WWOX: variants seen among roughly 807,000 people sequenced by gnomAD.
WWOX encodes WW domain-containing oxidoreductase.
A neutral mutation model predicts 46.2 loss-of-function variants in WWOX; 69 were observed. The observed-to-expected ratio is 1.49, with a 90% CI of 1.23 to 1.82. The LOEUF (loss-of-function observed/expected upper bound fraction) is 1.82. WWOX is among the 40% of genes most tolerant of loss of function. The pLI, the probability that WWOX is intolerant of heterozygous loss-of-function variation, is 0.00. For missense variants in WWOX, 919 were observed against 542.6 expected, an observed-to-expected ratio of 1.69 and a Z score of -6.89; for synonymous variants, 359 against 202.6, an observed-to-expected ratio of 1.77 and a Z score of -6.56.
At chr16:78,710,221 G>C (rs1030681574) in intron 8 of WWOX, among the ~76,000 whole-genome samples, 15 of 151,544 alleles carry the variant, frequency 9.9e-5, no homozygotes, top group Non-Finnish European at 1.9e-4. Context: ...GTGCACACTT[G>C]GGGCACCTGG....
At chr16:78,643,146 A>G (rs922635518) in intron 8 of WWOX, among the ~76,000 whole-genome samples, 2 of 152,198 alleles carry the variant, frequency 1.3e-5, no homozygotes, top group African/African-American at 2.4e-5. Flanking sequence ...TCCAGACCCA[A>G]GAGGATCCGA....
chr16:78,323,171 G>T (rs976681136), intron 5 of WWOX, among the ~76,000 whole-genome samples: 2 of 152,054 alleles, frequency 1.3e-5, no homozygotes, highest in Non-Finnish European at 2.9e-5. Flanking sequence ...ACAGTGGCAC[G>T]ATCTCAGCTC....
chr16:79,055,215 T>C (rs890822081), intron 8 of WWOX, among the ~76,000 whole-genome samples: 72 of 152,206 alleles, frequency 4.7e-4, no homozygotes, highest in African/African-American at 1.6e-3. Context: ...ACTTGCTGTT[T>C]TCTGTTATTT....
chr16:78,334,678 C>T (rs1358825357), intron 5 of WWOX, among the ~76,000 whole-genome samples: 1 of 151,906 alleles, frequency 6.6e-6, no homozygotes, highest in Non-Finnish European at 1.5e-5. Flanking sequence ...CCAGTTTCCA[C>T]AGAGAAAAAG....
At chr16:78,207,761 C>CAA (rs34715697) in intron 5 of WWOX, among the ~76,000 whole-genome samples, 7 of 104,618 alleles carry the variant, frequency 6.7e-5, no homozygotes, top group Middle Eastern at 5.4e-3. Flanking sequence ...GACCCTATTA[C>CAA]AAAAAAAAAA....
At chr16:78,588,890 A>G (rs949404333) in intron 8 of WWOX, among the ~76,000 whole-genome samples, 11 of 152,140 alleles carry the variant, frequency 7.2e-5, no homozygotes, top group East Asian at 3.9e-4. Context: ...TGATAGAAGA[A>G]GAGGAGGAGG....
intron 8 of WWOX, among the ~76,000 whole-genome samples, chr16:78,458,649 A>G (rs1205575543): frequency 2.0e-5 from 3 of 151,178 alleles, no homozygotes; most frequent in African/African-American, 2.5e-5. Flanking sequence ...TATAGCATAT[A>G]AAAGTAAAAA....
At chr16:78,228,088 T>A (rs1342131143) in intron 5 of WWOX, among the ~76,000 whole-genome samples, 3 of 152,114 alleles carry the variant, frequency 2.0e-5, no homozygotes, top group African/African-American at 7.2e-5. Context: ...GGAAGCTGGT[T>A]GGCTTTGTCA....
rs2046682143 is a variant in WWOX at position 78,981,514 on chromosome 16, T to C, written c.1057-230094T>C. Among the ~76,000 whole-genome samples, 6 of 152,058 alleles carry C rather than the reference T, an allele frequency of 3.9e-5. 1 individual carries two copies. In the South Asian group the frequency reaches 1.3e-3, roughly 32 times the overall value. ...ATGCAGTGGCACAATCTGGGCTCACTGCAACCTCCACTTTCCGGGTTCAGG... is the reference window on the plus strand; with the variant it reads ...ATGCAGTGGCACAATCTGGGCTCACCGCAACCTCCACTTTCCGGGTTCAGG... On this transcript the variant is annotated intron_variant, in intron 8 of 8. Transcript: ENST00000566780.
chr16:78,397,968 G>T (rs1191787049), intron 6 of WWOX, among the ~76,000 whole-genome samples: 1 of 152,216 alleles, frequency 6.6e-6, no homozygotes, highest in African/African-American at 2.4e-5. Context: ...GCTTCATGGA[G>T]TTCGTTTAAG....
chr16:79,137,709 C>T (rs2050009822), intron 8 of WWOX, among the ~76,000 whole-genome samples: 1 of 152,098 alleles, frequency 6.6e-6, no homozygotes, highest in African/African-American at 2.4e-5. Context: ...CCCGACCCTC[C>T]TCCATCCCCT....
chr16:78,695,772 A>G (rs151052561), intron 8 of WWOX, among the ~76,000 whole-genome samples: 1 of 152,342 alleles, frequency 6.6e-6, no homozygotes, highest in Admixed American at 6.5e-5. Context: ...AACGAAAACC[A>G]ATAAAAACAT....
intron 5 of WWOX, among the ~76,000 whole-genome samples, chr16:78,289,651 C>T (rs146241915): frequency 6.6e-6 from 1 of 152,154 alleles, no homozygotes; most frequent in African/African-American, 2.4e-5. Context: ...GAATAAGAGA[C>T]CTAAGTTTAT....
rs530320596 is a variant in WWOX, at chr16:78,914,845, C to G, written c.1057-296763C>G. On this transcript the variant is annotated intron_variant, in intron 8 of 8. Transcript: ENST00000566780. ...AGTGAGCCAGGATCGCGCCACTGCA[C>G]TCCCGCCCGGGTGACAGAGCGAGAC... Among the ~76,000 whole-genome samples, 14 of 144,494 alleles carry G rather than the reference C, an allele frequency of 9.7e-5. No individual in the cohort carries two copies. The East Asian group carries it at 2.5e-3, about 26-fold the overall frequency. 94.8% of individuals were successfully genotyped at this position (144,494 alleles called of 152,430 possible). A position where few individuals can be genotyped will look rare whatever the true frequency, so the allele number is the denominator to read the frequency against.
rs76871694 is a variant in WWOX at position 78,845,620 on chromosome 16, A to T, written c.1057-365988A>T. Among the ~76,000 whole-genome samples the T allele has an allele frequency of 1.2e-4, 19 of 152,380 alleles. 1 individual carries two copies. The East Asian group carries it at 3.5e-3, about 28-fold the overall frequency. ...TGCTGCGTAATAGTCCATAATTTAT[A>T]GTCAGCCTCCACAAGGCAAAAAATA... On this transcript the variant is annotated intron_variant, in intron 8 of 8. Coordinates refer to ENST00000566780, the MANE Select transcript of WWOX (RefSeq NM_016373.4).
chr16:79,174,067 G>C (rs1486987450), intron 8 of WWOX, among the ~76,000 whole-genome samples: 1 of 152,176 alleles, frequency 6.6e-6, no homozygotes, highest in Non-Finnish European at 1.5e-5. Flanking sequence ...CATACAGTCA[G>C]AATGTTTATT....
At chr16:79,002,950 T>C (rs999348857) in intron 8 of WWOX, among the ~76,000 whole-genome samples, 2 of 152,198 alleles carry the variant, frequency 1.3e-5, no homozygotes, top group African/African-American at 2.4e-5. Context: ...CTATGCTGTT[T>C]AGGAAAGAAA....
intron 8 of WWOX, among the ~76,000 whole-genome samples, chr16:79,062,276 A>C (rs987307884): frequency 6.6e-6 from 1 of 152,222 alleles, no homozygotes; most frequent in African/African-American, 2.4e-5. Flanking sequence ...TCCATTTATT[A>C]ATAAAATGCC....
chr16:78,800,156 C>A (rs1022936728), intron 8 of WWOX, among the ~76,000 whole-genome samples: 1 of 151,262 alleles, frequency 6.6e-6, no homozygotes, highest in African/African-American at 2.4e-5. Flanking sequence ...ATCTTCAATG[C>A]AATTATAAAA....
Sources: gnomAD v4.1 joint callset for allele counts (sites outside exome capture counted in the v4.1 genomes callset) on GRCh38, gnomAD v4.1.1 for gene constraint, MANE v1.5 for transcripts, NCBI Gene and HGNC (gene_info 2026-07-23, HGNC 2026-07-21) for gene names.